Variants in TSPAN9 observed in about 807,000 individuals in gnomAD.
TSPAN9 encodes the protein tetraspanin-9.
In TSPAN9, 16 loss-of-function variants were observed where a neutral mutation model predicts 31.0. That is an observed-to-expected ratio of 0.52 (90% confidence interval 0.35 to 0.78). TSPAN9 has a LOEUF of 0.78. TSPAN9 is among the 30% of genes least tolerant of loss of function. TSPAN9 has a pLI of 0.01. For synonymous variants in TSPAN9, 145 were observed against 121.6 expected, an observed-to-expected ratio of 1.19 and a Z score of -1.27; for missense variants, 272 against 312.5, an observed-to-expected ratio of 0.87 and a Z score of 0.98.
chr12:3,258,387 C>T (rs1455762689), intron 3 of TSPAN9, among the ~76,000 whole-genome samples: 34 of 152,116 alleles, frequency 2.2e-4, no homozygotes, highest in Admixed American at 1.5e-3. Context: ...CCCAGAATCA[C>T]CTTGGTGTCC....
intron 2 of TSPAN9, among the ~76,000 whole-genome samples, chr12:3,121,352 CTTTTTTTTTTT>C (rs59198394): frequency 4.6e-5 from 5 of 108,290 alleles, no homozygotes; most frequent in Non-Finnish European, 5.6e-5. Context: ...GGGATGTTGG[CTTTTTTTTTTT>C]TTTTTTTTTT....
At chr12:3,199,601 C>T (rs1247672968) in intron 2 of TSPAN9, among the ~76,000 whole-genome samples, 1 of 152,234 alleles carries the variant, frequency 6.6e-6, no homozygotes, top group Non-Finnish European at 1.5e-5. Flanking sequence ...CAAGGTAGGA[C>T]CCCGCTTCGT....
At chr12:3,208,054 T>C (rs553875744) in intron 3 of TSPAN9, among the ~76,000 whole-genome samples, 14 of 152,370 alleles carry the variant, frequency 9.2e-5, no homozygotes, top group South Asian at 6.2e-4. Flanking sequence ...GTGTGCATGA[T>C]GCAGGTGTAC....
At chr12:3,269,019 T>C (rs1245331340) in intron 3 of TSPAN9, among the ~76,000 whole-genome samples, 2 of 94,254 alleles carry the variant, frequency 2.1e-5, no homozygotes, top group Non-Finnish European at 4.3e-5. Flanking sequence ...CCTCTCTGTG[T>C]TCCTGCAGCC....
chr12:3,165,292 C>G lies in TSPAN9; in HGVS notation c.-17-35885C>G, dbSNP rs75993423. ...CAGGAAGTACTGGCCACGAATCCCACTGCTCATCCTCTCTGTTGGTGGGGA... is the reference window on the plus strand; with the variant it reads ...CAGGAAGTACTGGCCACGAATCCCAGTGCTCATCCTCTCTGTTGGTGGGGA... On this transcript the variant is annotated intron_variant, in intron 2 of 8. Transcript: ENST00000011898. 1.9e-3 allele frequency among the ~76,000 whole-genome samples: 286 copies of G among 152,346 alleles called. 1 individual carries two copies. Among genetic ancestry groups the G allele is most frequent in the African/African-American group, 6.6e-3 (275 of 41,568 alleles).
chr12:3,254,929 T>C (rs1331411763), intron 3 of TSPAN9, among the ~76,000 whole-genome samples: 1 of 152,168 alleles, frequency 6.6e-6, no homozygotes, highest in Non-Finnish European at 1.5e-5. Flanking sequence ...ACATGTGTGT[T>C]GACTGTTGAG....
chr12:3,248,125 T>C (rs1360483837), intron 3 of TSPAN9, among the ~76,000 whole-genome samples: 2 of 152,188 alleles, frequency 1.3e-5, no homozygotes, highest in Non-Finnish European at 2.9e-5. Context: ...AATGCCTCTT[T>C]CCTGGCAATG....
At chr12:3,090,043 C>A (rs917844672) in intron 2 of TSPAN9, among the ~76,000 whole-genome samples, 5 of 152,098 alleles carry the variant, frequency 3.3e-5, no homozygotes, top group African/African-American at 1.2e-4. Flanking sequence ...CAGAGATAAT[C>A]ACTGTTAATA....
In TSPAN9 at chr12:3,168,795, A is replaced by T. The variant is rs1167998011; in HGVS notation, c.-17-32382A>T. Reference sequence around the variant, plus strand: ...CCCCTCTCTTTTCTGTGTCTCCACCATAAAGTACTCGTTGAGTAAATGAAT... The same window carrying T: ...CCCCTCTCTTTTCTGTGTCTCCACCTTAAAGTACTCGTTGAGTAAATGAAT... On this transcript the variant is annotated intron_variant, in intron 2 of 8. Transcript: ENST00000011898. The surrounding 1 kb of genome is among the most constrained non-coding windows in gnomAD (Gnocchi z 4.0). Among the ~76,000 whole-genome samples the T allele has an allele frequency of 6.6e-6, 1 of 152,190 alleles. No individual in the cohort carries two copies. Among genetic ancestry groups the T allele is most frequent in the Admixed American group, 6.5e-5 (1 of 15,286 alleles).
intron 2 of TSPAN9, among the ~76,000 whole-genome samples, chr12:3,095,705 G>C (rs1467554863): frequency 2.1e-5 from 3 of 141,814 alleles, no homozygotes; most frequent in South Asian, 2.3e-4. Flanking sequence ...ATGGGGCGGC[G>C]GGGCAGAGGC....
rs1417002019 is a variant in TSPAN9, at chr12:3,238,946, C to G, written c.63+37690C>G. On this transcript the variant is annotated intron_variant, in intron 3 of 8. Transcript: ENST00000011898. Reference sequence around the variant, plus strand: ...CTGGTTTCCCTGAGAACATGCAGGCCCTCCCAAAGGAGGGTCGGGTGGCCG... The same window carrying G: ...CTGGTTTCCCTGAGAACATGCAGGCGCTCCCAAAGGAGGGTCGGGTGGCCG... Among the ~76,000 whole-genome samples, 3 of 152,242 alleles carry G rather than the reference C, an allele frequency of 2.0e-5. No homozygotes were observed. The East Asian group carries it at 5.8e-4, about 29-fold the overall frequency.
chr12:3,231,015 CCTT>C (rs1188373394), intron 3 of TSPAN9, among the ~76,000 whole-genome samples: 1 of 152,142 alleles, frequency 6.6e-6, no homozygotes, highest in East Asian at 1.9e-4. Flanking sequence ...CCTACATAAA[CCTT>C]CTGCCTGGGA....
intron 2 of TSPAN9, among the ~76,000 whole-genome samples, chr12:3,167,048 T>A (rs2098348838): frequency 6.6e-6 from 1 of 152,048 alleles, no homozygotes; most frequent in Non-Finnish European, 1.5e-5. Flanking sequence ...CCACCCTCTT[T>A]GGCATCCCAA....
intron 2 of TSPAN9, among the ~76,000 whole-genome samples, chr12:3,108,060 C>CCT (rs1241362726): frequency 1.3e-5 from 2 of 151,522 alleles, no homozygotes; most frequent in East Asian, 3.9e-4. Context: ...AAGCGTTCCC[C>CCT]TCTGGGTGGA....
At chr12:3,138,495 G>A (rs916594362) in intron 2 of TSPAN9, among the ~76,000 whole-genome samples, 1 of 151,392 alleles carries the variant, frequency 6.6e-6, no homozygotes, top group Non-Finnish European at 1.5e-5. Context: ...ACAGGGCCTC[G>A]TGCTGTCACC....
intron 3 of TSPAN9, among the ~76,000 whole-genome samples, chr12:3,218,723 G>A (rs748491352): frequency 8.5e-5 from 13 of 152,186 alleles, no homozygotes; most frequent in African/African-American, 1.4e-4. Context: ...TGGGTGCCTC[G>A]GGCCGCCTCC....
intron 2 of TSPAN9, among the ~76,000 whole-genome samples, chr12:3,178,291 CTTTTTT>C (rs112883143): frequency 6.9e-6 from 1 of 144,102 alleles, no homozygotes; most frequent in Non-Finnish European, 1.5e-5. Context: ...GTTTCTTTTT[CTTTTTT>C]TTTTTTTGAG....
chr12:3,179,046 A>G (rs2153971020), intron 2 of TSPAN9, among the ~76,000 whole-genome samples: 1 of 152,288 alleles, frequency 6.6e-6, no homozygotes, highest in Non-Finnish European at 1.5e-5. Flanking sequence ...TGATTTGAAC[A>G]ATGCTGGGCC....
rs545564821 is a variant in TSPAN9, at chr12:3,089,009, G to A, written c.-18+5290G>A. ...GCACTTTGGGAGGCCGATGCAGGCG[G>A]ATCACGAGGTCAGGAGATCGAGATC... is the stretch of plus-strand genomic sequence containing the variant. On this transcript the variant is annotated intron_variant, in intron 2 of 8. Coordinates refer to ENST00000011898, the MANE Select transcript of TSPAN9 (RefSeq NM_006675.5). 7.9e-5 allele frequency among the ~76,000 whole-genome samples: 12 copies of A among 152,104 alleles called. No individual in the cohort carries two copies. In the South Asian group the frequency reaches 2.5e-3, roughly 32 times the overall value.
Sources: allele counts gnomAD v4.1 joint callset (sites outside exome capture counted in the v4.1 genomes callset), GRCh38; gene constraint gnomAD v4.1.1; non-coding constraint Gnocchi (gnomAD v3.1); transcripts MANE v1.5; gene names NCBI Gene and HGNC (gene_info 2026-07-23, HGNC 2026-07-21).